The following ARHGAP42 variants were observed in gnomAD, a reference collection of about 807,000 sequenced individuals.
ARHGAP42 encodes the protein rho GTPase-activating protein 42.
In ARHGAP42, 63 loss-of-function variants were observed where a neutral mutation model predicts 125.0. The ratio of observed to expected loss-of-function variants is 0.50; its 90% CI spans 0.41 to 0.62. The LOEUF is 0.62. Ranked by LOEUF, ARHGAP42 falls within the 20% of genes least tolerant of loss-of-function variation. The pLI is 0.00. For synonymous variants in ARHGAP42, 339 were observed against 351.0 expected (o/e 0.97, Z 0.38); for missense variants, 766 against 1,024.2 (o/e 0.75, Z 3.44).
intron 4 of ARHGAP42, among the ~76,000 whole-genome samples, chr11:100,885,289 C>A (rs1268645856): frequency 6.6e-6 from 1 of 152,156 alleles, no homozygotes; most frequent in Non-Finnish European, 1.5e-5. Context: ...TCAATTAGAG[C>A]CAGAAAGTTT....
At chr11:100,792,136 C>T (rs928847048) in intron 2 of ARHGAP42, among the ~76,000 whole-genome samples, 1 of 152,124 alleles carries the variant, frequency 6.6e-6, no homozygotes, top group Non-Finnish European at 1.5e-5. Context: ...CCTGGCTTGA[C>T]CAAATGGGAA....
intron 3 of ARHGAP42, among the ~76,000 whole-genome samples, chr11:100,837,885 G>A (rs567666380): frequency 2.8e-3 from 268 of 95,140 alleles, no homozygotes; most frequent in African/African-American, 9.7e-3. Flanking sequence ...TTCACCTAGC[G>A]GGATGTCTGC....
intron 3 of ARHGAP42, among the ~76,000 whole-genome samples, chr11:100,837,600 A>G (rs1296634288): frequency 6.9e-6 from 1 of 145,612 alleles, no homozygotes; most frequent in Non-Finnish European, 1.5e-5. Flanking sequence ...GGCATGGAAT[A>G]TTTTATAACA....
chr11:100,876,236 C>T (rs1314326893), intron 4 of ARHGAP42, among the ~76,000 whole-genome samples: 1 of 152,184 alleles, frequency 6.6e-6, no homozygotes, highest in Non-Finnish European at 1.5e-5. Flanking sequence ...TTAACACAGA[C>T]ACCACAAATT....
intron 1 of ARHGAP42, among the ~76,000 whole-genome samples, chr11:100,718,269 G>T (rs1861700241): frequency 6.6e-6 from 1 of 152,144 alleles, no homozygotes; most frequent in Non-Finnish European, 1.5e-5. Flanking sequence ...GTAGAACTTG[G>T]CCAGCCCCAT....
intron 1 of ARHGAP42, among the ~76,000 whole-genome samples, chr11:100,758,954 A>T (rs1034279642): frequency 6.6e-6 from 1 of 152,104 alleles, no homozygotes; most frequent in Non-Finnish European, 1.5e-5. Flanking sequence ...GAAGCCCATG[A>T]CAGCCTTTTC....
At chr11:100,877,309 T>C (rs548172040) in intron 4 of ARHGAP42, among the ~76,000 whole-genome samples, 18 of 152,330 alleles carry the variant, frequency 1.2e-4, no homozygotes, top group Non-Finnish European at 2.5e-4. Flanking sequence ...CTTATGTTGC[T>C]TACCTTACTT....
At chr11:100,804,547 ATT>A (rs769218224) in intron 3 of ARHGAP42, among the ~76,000 whole-genome samples, 9 of 144,674 alleles carry the variant, frequency 6.2e-5, no homozygotes, top group Non-Finnish European at 7.6e-5. Flanking sequence ...TAATTTTTAA[ATT>A]TTTTTTTTTT....
chr11:100,762,947 G>A (rs987288343), intron 1 of ARHGAP42, among the ~76,000 whole-genome samples: 1 of 148,480 alleles, frequency 6.7e-6, no homozygotes, highest in African/African-American at 2.5e-5. Context: ...TTAGTACCAC[G>A]AGCTTTTCAG....
chr11:100,938,490 T>C (rs1867795077), intron 8 of ARHGAP42, among the ~76,000 whole-genome samples: 2 of 152,172 alleles, frequency 1.3e-5, no homozygotes, highest in Non-Finnish European at 2.9e-5. Context: ...TGCTGCATTA[T>C]TTTTATAGCT....
chr11:100,760,037 G>A (rs974445896), intron 1 of ARHGAP42, among the ~76,000 whole-genome samples: 7 of 152,172 alleles, frequency 4.6e-5, no homozygotes, highest in African/African-American at 1.2e-4. Flanking sequence ...TTAAAGGTAC[G>A]TTAATAGGAC....
chr11:100,920,597 C>T (rs1323153095), intron 5 of ARHGAP42, among the ~76,000 whole-genome samples: 1 of 152,076 alleles, frequency 6.6e-6, no homozygotes, highest in Non-Finnish European at 1.5e-5. Flanking sequence ...AAAAGTAAGT[C>T]ATGTCTCTCT....
intron 3 of ARHGAP42, among the ~76,000 whole-genome samples, chr11:100,822,503 T>C (rs678681): frequency 0.8 from 122,067 of 152,016 alleles, 49,084 homozygotes; most frequent in Middle Eastern, 0.84. Context: ...TTGTAGAAAA[T>C]ATTGGTAAAT....
At chr11:100,770,547 T>A in intron 2 of ARHGAP42, 109 bp downstream of exon 2, 1 of 867,076 alleles carries the variant, frequency 1.2e-6, no homozygotes. Flanking sequence ...ACTTTGACAA[T>A]ACTATAAGAG....
chr11:100,858,117 G>GTGTGTGTGTGTGTGTGTGTT (rs33909850), intron 3 of ARHGAP42, among the ~76,000 whole-genome samples: 174 of 134,596 alleles, frequency 1.3e-3, no homozygotes, highest in African/African-American at 2.6e-3. Flanking sequence ...GTGTGTGTGT[G>GTGTGTGTGTGTGTGTGTGTT]TGTGTGTTTA....
At chr11:100,904,964 CA>C (rs1446879309) in intron 4 of ARHGAP42, among the ~76,000 whole-genome samples, 1 of 152,204 alleles carries the variant, frequency 6.6e-6, no homozygotes, top group Non-Finnish European at 1.5e-5. Flanking sequence ...CAGTACCAGT[CA>C]CAAAATGGGT....
intron 3 of ARHGAP42, among the ~76,000 whole-genome samples, chr11:100,832,499 CTT>C (rs1864686006): frequency 2.0e-5 from 3 of 152,180 alleles, no homozygotes; most frequent in South Asian, 2.1e-4. Flanking sequence ...AGCTTCCTAA[CTT>C]ATACACAAAT....
At chr11:100,937,726 C>T (rs900376099) in intron 8 of ARHGAP42, among the ~76,000 whole-genome samples, 5 of 152,118 alleles carry the variant, frequency 3.3e-5, no homozygotes, top group Admixed American at 6.5e-5. Flanking sequence ...TGTGGGCACA[C>T]AATATTTTAT....
chr11:100,936,292 C>G lies in ARHGAP42; in HGVS notation c.792C>G (p.Ser264Arg). 6.4e-7 allele frequency: 1 copy of G among 1,551,546 alleles called. No individual in the cohort carries two copies. Among genetic ancestry groups the G allele is most frequent in the Non-Finnish European group, 8.7e-7 (1 of 1,146,890 alleles). Residue 264 changes from serine (S) to arginine (R), a missense_variant, in exon 8 of 24, where the codon AGC becomes AGG. By Grantham distance (110) the Ser-to-Arg change is moderately radical. This residue lies in a region of ARHGAP42 where 455 missense variants were observed against 636.5 expected (regional missense o/e 0.71). Coordinates refer to ENST00000298815, the MANE Select transcript of ARHGAP42 (RefSeq NM_152432.4). ...CTAACCAGGACTACAGACCACCCAG[C>G]CAGTGGACGATGGAAGGCTATCTGT... ...KSANQDYRPP[S>R]QWTMEGYLYV... is the part of the protein sequence containing the mutation.
Sources: gnomAD v4.1 joint callset for allele counts (sites outside exome capture counted in the v4.1 genomes callset) on GRCh38, gnomAD v4.1.1 for gene constraint, gnomAD v4.1.1 regional missense constraint, MANE v1.5 for transcripts, NCBI Gene and HGNC (gene_info 2026-07-23, HGNC 2026-07-21) for gene names.